Variants in CAPRIN1 observed in about 807,000 individuals in gnomAD.
CAPRIN1 encodes caprin-1.
In CAPRIN1, 29 loss-of-function variants were observed where a neutral mutation model predicts 100.9. That is an observed-to-expected ratio of 0.29 (90% CI 0.21 to 0.39). The LOEUF is 0.39. Ranked by LOEUF, CAPRIN1 falls within the 10% of genes least tolerant of loss-of-function variation. The probability of loss-of-function intolerance (pLI) is 1.00; values close to 1 mark genes in which losing one functional copy is unlikely to be tolerated. For synonymous variants in CAPRIN1, 338 were observed against 307.5 expected, an observed-to-expected ratio of 1.10 and a Z score of -1.04; for missense variants, 795 against 876.7, an observed-to-expected ratio of 0.91 and a Z score of 1.18.
At chr11:34,069,904 A>G (rs1399179147) in intron 2 of CAPRIN1, among the ~76,000 whole-genome samples, 1 of 61,014 alleles carries the variant, frequency 1.6e-5, no homozygotes, top group Admixed American at 2.2e-4. Flanking sequence ...AGATCATTTG[A>G]CCTAAAAAAA....
intron 4 of CAPRIN1, among the ~76,000 whole-genome samples, chr11:34,074,582 A>G (rs1336258508): frequency 6.6e-6 from 1 of 151,880 alleles, no homozygotes; most frequent in Non-Finnish European, 1.5e-5. Flanking sequence ...GCCTCCACCT[A>G]CCTATAAAGA....
chr11:34,062,650 T>C (rs1014833878), intron 2 of CAPRIN1, among the ~76,000 whole-genome samples: 1 of 148,806 alleles, frequency 6.7e-6, no homozygotes, highest in Non-Finnish European at 1.5e-5. Flanking sequence ...AAAGGAAAAC[T>C]GCTAAAGATT....
chr11:34,078,323 C>T (rs1850944124), intron 6 of CAPRIN1, among the ~76,000 whole-genome samples: 1 of 152,186 alleles, frequency 6.6e-6, no homozygotes, highest in Admixed American at 6.5e-5. Context: ...TTTTTCTTCA[C>T]AGTGACCTAT....
chr11:34,086,253 A>T, intron 10 of CAPRIN1, 34 bp downstream of exon 10: 2 of 1,609,464 alleles, frequency 1.2e-6, no homozygotes, highest in South Asian at 1.1e-5. Flanking sequence ...TGTAACAGAA[A>T]GTTTAAGTGT....
chr11:34,066,533 C>T (rs1268229689), intron 2 of CAPRIN1, among the ~76,000 whole-genome samples: 2 of 151,768 alleles, frequency 1.3e-5, no homozygotes, highest in East Asian at 3.9e-4. Flanking sequence ...GGGGTTTCAC[C>T]GTATTGGCCA....
intron 6 of CAPRIN1, among the ~76,000 whole-genome samples, chr11:34,077,240 T>G (rs144692166): frequency 6.6e-6 from 1 of 152,226 alleles, no homozygotes; most frequent in Non-Finnish European, 1.5e-5. Context: ...GTAACTTAAC[T>G]GTGTTTGAGG....
chr11:34,081,005 G>C (rs1851018342), intron 7 of CAPRIN1, among the ~76,000 whole-genome samples: 1 of 152,126 alleles, frequency 6.6e-6, no homozygotes, highest in South Asian at 2.1e-4. Flanking sequence ...ACGGGAGAGG[G>C]CTTTTAATAT....
chr11:34,073,343 A>G (rs1850838880), intron 4 of CAPRIN1, among the ~76,000 whole-genome samples: 4 of 152,360 alleles, frequency 2.6e-5, no homozygotes, highest in South Asian at 2.1e-4. Context: ...GGCAGAGGCC[A>G]TCACAGTGCC....
intron 4 of CAPRIN1, among the ~76,000 whole-genome samples, chr11:34,075,864 A>G (rs552653609): frequency 6.6e-6 from 1 of 152,332 alleles, no homozygotes; most frequent in South Asian, 2.1e-4. Context: ...AATACAATGA[A>G]ACTCTTTGTA....
chr11:34,091,049 G>T (rs1851253832), intron 14 of CAPRIN1, among the ~76,000 whole-genome samples: 1 of 152,122 alleles, frequency 6.6e-6, no homozygotes, highest in African/African-American at 2.4e-5. Flanking sequence ...GTATTTTGAA[G>T]TTTCAGATGT....
At chr11:34,072,316 T>TAAAA (rs59649247) in intron 4 of CAPRIN1, among the ~76,000 whole-genome samples, 2 of 115,048 alleles carry the variant, frequency 1.7e-5, no homozygotes, top group African/African-American at 6.6e-5. Flanking sequence ...ACCCCATCTC[T>TAAAA]AAAAAAAAAA....
chr11:34,058,423 C>A (rs1850502019), intron 2 of CAPRIN1, among the ~76,000 whole-genome samples: 1 of 152,228 alleles, frequency 6.6e-6, no homozygotes. Context: ...AGGCGTGAGC[C>A]ACCACACCCG....
At chr11:34,097,488 T>A (rs998531959) in intron 17 of CAPRIN1, among the ~76,000 whole-genome samples, 192 bp downstream of exon 17, 1 of 152,188 alleles carries the variant, frequency 6.6e-6, no homozygotes, top group African/African-American at 2.4e-5. Context: ...AGACAGTGAT[T>A]TCCAAGAGCA....
At chr11:34,087,365 G>A (rs1171913871) in intron 11 of CAPRIN1, among the ~76,000 whole-genome samples, 1 of 107,878 alleles carries the variant, frequency 9.3e-6, no homozygotes, top group South Asian at 3.0e-4. Flanking sequence ...ACGGAGTCTC[G>A]CTCTGTCGCC....
chr11:34,053,080 C>T (rs1718076549), intron 2 of CAPRIN1: 2 of 1,026,720 alleles, frequency 1.9e-6, no homozygotes, highest in Admixed American at 5.8e-5. Context: ...TTGGGGCGGC[C>T]TGCGTCCTGC....
chr11:34,087,636 A>G (rs1851174796), intron 11 of CAPRIN1, among the ~76,000 whole-genome samples: 1 of 152,126 alleles, frequency 6.6e-6, no homozygotes, highest in Admixed American at 6.5e-5. Flanking sequence ...CCCGGCTCTC[A>G]CATTTCTATC....
At chr11:34,053,643 A>G (rs901429533) in intron 2 of CAPRIN1, 2 of 151,030 alleles carry the variant, frequency 1.3e-5, no homozygotes, top group African/African-American at 4.9e-5. Flanking sequence ...TGGATTCAAT[A>G]TTTAGTCCTT....
chr11:34,099,854 A>G lies in CAPRIN1; in HGVS notation c.*487A>G, dbSNP rs1300209566. 6.4e-6 allele frequency: 1 copy of G among 156,420 alleles called. No homozygotes were observed. The highest frequency in any genetic ancestry group is 1.4e-5 in the Non-Finnish European group (1 of 70,428). The allele number at this position is 156,420 out of a possible 1,614,324, so 9.7% of individuals were successfully genotyped here. A position where few individuals can be genotyped will look rare whatever the true frequency, so the allele number is the denominator to read the frequency against. On this transcript the variant is annotated 3_prime_UTR_variant, in exon 19 of 19. Coordinates refer to ENST00000341394, the MANE Select transcript of CAPRIN1 (RefSeq NM_005898.5). ...CTGCATTTCACAGCTTTTCCAGTTA[A>G]ATTGGAGCACTGAACGTTCAGATGC...
chr11:34,087,868 C>G (rs1242979757), intron 11 of CAPRIN1, among the ~76,000 whole-genome samples: 1 of 152,122 alleles, frequency 6.6e-6, no homozygotes, highest in Non-Finnish European at 1.5e-5. Flanking sequence ...TGGGTACTTT[C>G]TAAATGACTA....
Sources: allele counts gnomAD v4.1 joint callset (sites outside exome capture counted in the v4.1 genomes callset), GRCh38; gene constraint gnomAD v4.1.1; transcripts MANE v1.5; gene names NCBI Gene and HGNC (gene_info 2026-07-23, HGNC 2026-07-21).